Variants in FBXO32 observed in about 807,000 individuals in gnomAD.
FBXO32 encodes the protein F-box only protein 32.
A neutral mutation model predicts 48.3 loss-of-function variants in FBXO32; 15 were observed. The ratio of observed to expected loss-of-function variants is 0.31; its 90% CI spans 0.21 to 0.48. FBXO32 has a LOEUF of 0.48. FBXO32 is among the 20% of genes least tolerant of loss of function. The pLI, the probability that FBXO32 is intolerant of heterozygous loss-of-function variation, is 0.99. For synonymous variants in FBXO32, 154 were observed against 165.9 expected (o/e 0.93, Z 0.55); for missense variants, 309 against 432.7 (o/e 0.71, Z 2.54).
intron 3 of FBXO32, among the ~76,000 whole-genome samples, chr8:123,532,914 A>T (rs1817237452): frequency 6.6e-6 from 1 of 152,228 alleles, no homozygotes; most frequent in South Asian, 2.1e-4. Context: ...AGGGCAATAT[A>T]ATAATATGGT....
chr8:123,533,515 A>G (rs1461344899), intron 2 of FBXO32, among the ~76,000 whole-genome samples: 10 of 152,184 alleles, frequency 6.6e-5, no homozygotes, highest in Admixed American at 6.5e-4. Context: ...ATTATGCCAT[A>G]AGAAATTACA....
rs1038901964 is a variant in FBXO32 at position 123,497,911 on chromosome 8, G to A, written c.*5462C>T. 2.0e-5 allele frequency: 3 copies of A among 152,186 alleles called. No homozygotes were observed. Among genetic ancestry groups the A allele is most frequent in the African/African-American group, 7.2e-5 (3 of 41,440 alleles). The allele number at this position is 152,186 out of a possible 1,614,324, so 9.4% of individuals were successfully genotyped here. Reference sequence around the variant, plus strand: ...GTGTGTTGTTGGAAAAACATTTATTGCAATTCAGTGTCAAAAGTTTTTTAC... The same window carrying A: ...GTGTGTTGTTGGAAAAACATTTATTACAATTCAGTGTCAAAAGTTTTTTAC... On this transcript the variant is annotated 3_prime_UTR_variant, in exon 9 of 9. Transcript: ENST00000517956.
rs1816501637 is a variant in FBXO32 at position 123,502,012 on chromosome 8, T to C, written c.*1361A>G. 2 of 152,148 alleles carry C rather than the reference T, an allele frequency of 1.3e-5. No homozygotes were observed. Among genetic ancestry groups the C allele is most frequent in the African/African-American group, 4.8e-5 (2 of 41,424 alleles). The allele number at this position is 152,148 out of a possible 1,614,324, so 9.4% of individuals were successfully genotyped here. A position where few individuals can be genotyped will look rare whatever the true frequency, so the allele number is the denominator to read the frequency against. On this transcript the variant is annotated 3_prime_UTR_variant, in exon 9 of 9. Transcript: ENST00000517956. ...CCTTTCTTCCACAGTTACCTGCTGATATTTGCCTCGTAAGATCCCCTTGGG... is the reference window on the plus strand; with the variant it reads ...CCTTTCTTCCACAGTTACCTGCTGACATTTGCCTCGTAAGATCCCCTTGGG...
rs373148997 is a variant in FBXO32 at position 123,506,350 on chromosome 8, A to G, written c.834+42T>C. The stretch of plus-strand genomic sequence containing the variant: ...ACCAAGGAAGTTTGGGGTGAGGGCC[A>G]GAGAAGGAGGGTGGGAGGAAAGCCC... On this transcript the variant is annotated intron_variant, in intron 7 of 8. Coordinates refer to ENST00000517956, the MANE Select transcript of FBXO32 (RefSeq NM_058229.4). This position sits in a 1 kb window ranked among gnomAD's most constrained non-coding sequence, Gnocchi z 4.0. 113 of 1,603,878 alleles carry G rather than the reference A, an allele frequency of 7.0e-5. No individual in the cohort carries two copies. The highest frequency in any genetic ancestry group is 9.3e-5 in the Non-Finnish European group (109 of 1,175,120).
At chr8:123,512,370 C>T (rs1160036150) in intron 6 of FBXO32, among the ~76,000 whole-genome samples, 4 of 152,168 alleles carry the variant, frequency 2.6e-5, no homozygotes, top group Non-Finnish European at 5.9e-5. Flanking sequence ...CTACCTTCTC[C>T]TGATATGAGG....
chr8:123,504,737 C>A lies in FBXO32; in HGVS notation c.845G>T (p.Arg282Leu). 6.2e-7 allele frequency: 1 copy of A among 1,612,620 alleles called. No homozygotes were observed. Residue 282 changes from arginine (R) to leucine (L), a missense_variant, in exon 8 of 9, where the codon CGA becomes CTA. Transcript: ENST00000517956. ...CTGCCCTTTGTCTGACAGAATTAATCGTTTGCGGATCTAAAAAATCAAATG... is the reference window on the plus strand; with the variant it reads ...CTGCCCTTTGTCTGACAGAATTAATAGTTTGCGGATCTAAAAAATCAAATG... ...YHFSERQIRKRLILSDKGQLD... is the reference protein window; with the variant it reads ...YHFSERQIRKLLILSDKGQLD...
At chr8:123,535,155 C>A (rs751193691) in intron 1 of FBXO32, among the ~76,000 whole-genome samples, 1 of 151,800 alleles carries the variant, frequency 6.6e-6, no homozygotes, top group African/African-American at 2.4e-5. Context: ...ACAAAAATGA[C>A]GAATGGGGGG....
chr8:123,513,483 G>A lies in FBXO32; in HGVS notation c.467-101C>T. 4 of 1,003,918 alleles carry A rather than the reference G, an allele frequency of 4.0e-6. No individual in the cohort carries two copies. The highest frequency in any genetic ancestry group is 5.9e-6 in the Non-Finnish European group (4 of 681,880). 62.2% of individuals were successfully genotyped at this position (1,003,918 alleles called of 1,614,324 possible). A position where few individuals can be genotyped will look rare whatever the true frequency, so the allele number is the denominator to read the frequency against. On this transcript the variant is annotated intron_variant, in intron 5 of 8. Transcript: ENST00000517956. The surrounding 1 kb of genome is among the most constrained non-coding windows in gnomAD (Gnocchi z 4.3). Reference sequence around the variant, plus strand: ...GTCTGTATTCCACTCATGTTACCCAGGCACTGCCTCTGGGGATATGGTTTT... The same window carrying A: ...GTCTGTATTCCACTCATGTTACCCAAGCACTGCCTCTGGGGATATGGTTTT...
intron 6 of FBXO32, among the ~76,000 whole-genome samples, chr8:123,508,534 G>A (rs986725303): frequency 6.6e-6 from 1 of 152,160 alleles, no homozygotes. Flanking sequence ...AGATGTAGAA[G>A]GACTTCAGCC....
rs756822475 is a variant in FBXO32 at position 123,531,906 on chromosome 8, C to G, written c.364G>C (p.Val122Leu). 1.8e-5 allele frequency: 29 copies of G among 1,613,932 alleles called. No homozygotes were observed. Among genetic ancestry groups the G allele is most frequent in the Non-Finnish European group, 2.4e-5 (28 of 1,179,984 alleles). The change falls in exon 4 of 9, where the codon GTG becomes CTG. Residue 122 changes from valine (V) to leucine (L), a missense_variant. Physicochemically the swap from Val to Leu is conservative, Grantham distance 32. Transcript: ENST00000517956. ...AILDSRRFNYVVRLLELIAKS... is the reference protein window; with the variant it reads ...AILDSRRFNYLVRLLELIAKS... ...AGGCACTTGAGACTTACCCGGACCA[C>G]GTAGTTAAATCTTCTGGAATCCAGA...
Position 123,529,646 on chromosome 8 carries a change from T to C in FBXO32, c.372+2252A>G, listed in dbSNP as rs148115994. ...AGCAGTTAAAAGTGTAGACTCTGAC[T>C]GCCCAGATTTCAAGTCTTGATTTCA... On this transcript the variant is annotated intron_variant, in intron 4 of 8. Transcript: ENST00000517956. 1.3e-4 allele frequency among the ~76,000 whole-genome samples: 20 copies of C among 152,248 alleles called. No individual in the cohort carries two copies. In the East Asian group the frequency reaches 3.5e-3, roughly 26 times the overall value.
rs571768789 is a variant in FBXO32 at position 123,512,929 on chromosome 8, A to T, written c.651+269T>A. Among the ~76,000 whole-genome samples the T allele has an allele frequency of 2.0e-5, 3 of 152,316 alleles. No homozygotes were observed. The South Asian group carries it at 6.2e-4, about 32-fold the overall frequency. ...TAAAGATTTCAGCAGGATGGCCAGC[A>T]TCTCCCCAAAAGCCAAGTTTCCAGC... On this transcript the variant is annotated intron_variant, in intron 6 of 8. Coordinates refer to ENST00000517956, the MANE Select transcript of FBXO32 (RefSeq NM_058229.4).
At position 123,538,834 on chromosome 8, in the gene FBXO32, G is replaced by A. The variant is rs1234597850; in HGVS notation, c.116+2065C>T. ...AGAGGCTCATGAACAGGACACGGGA[G>A]GGGGGCTGTGCAGGAAACCACCTGA... On this transcript the variant is annotated intron_variant, in intron 1 of 8. Coordinates refer to ENST00000517956, the MANE Select transcript of FBXO32 (RefSeq NM_058229.4). 2.0e-5 allele frequency among the ~76,000 whole-genome samples: 3 copies of A among 152,168 alleles called. No individual in the cohort carries two copies. In the South Asian group the frequency reaches 6.2e-4, roughly 32 times the overall value.
In FBXO32 at chr8:123,506,639, TC is replaced by T; in HGVS notation, c.652-66del. 7.2e-7 allele frequency: 1 copy of T among 1,396,526 alleles called. No homozygotes were observed. The highest frequency in any genetic ancestry group is 9.8e-7 in the Non-Finnish European group (1 of 1,018,470). 86.5% of individuals were successfully genotyped at this position (1,396,526 alleles called of 1,614,324 possible). A position where few individuals can be genotyped will look rare whatever the true frequency, so the allele number is the denominator to read the frequency against. ...AGCAGCGATTCACCAGGCCACACCC[TC>T]CAGGCATGCAGCTGTGCCCGTCCTC... On this transcript the variant is annotated intron_variant, in intron 6 of 8. Transcript: ENST00000517956. This position sits in a 1 kb window ranked among gnomAD's most constrained non-coding sequence, Gnocchi z 4.0.
intron 4 of FBXO32, among the ~76,000 whole-genome samples, chr8:123,531,190 C>T (rs1186908676): frequency 6.6e-6 from 1 of 151,774 alleles, no homozygotes; most frequent in Non-Finnish European, 1.5e-5. Context: ...TCATGTTGTC[C>T]AGGCTGGTCT....
chr8:123,527,057 T>G (rs916441694), intron 4 of FBXO32: 4 of 152,240 alleles, frequency 2.6e-5, no homozygotes, highest in African/African-American at 9.6e-5. Context: ...ATAATTTCCA[T>G]GTGTTATGAA....
At chr8:123,527,254 C>T (rs1817098336) in intron 4 of FBXO32, 1 of 152,112 alleles carries the variant, frequency 6.6e-6, no homozygotes, top group Admixed American at 6.6e-5. Context: ...AGTGGCAGGG[C>T]CTGGAGAAAA....
In FBXO32 at chr8:123,524,266, G is replaced by A. The variant is rs115723952; in HGVS notation, c.372+7632C>T. ...TCCAATTCTGTGGCCATGTCCCCCC[G>A]TCTGTGAGTGTCCCCCACTTCCGTG... On this transcript the variant is annotated intron_variant, in intron 4 of 8. Coordinates refer to ENST00000517956, the MANE Select transcript of FBXO32 (RefSeq NM_058229.4). Among the ~76,000 whole-genome samples the A allele has an allele frequency of 9.2e-3, 1,404 of 152,116 alleles. 22 individuals carry two copies. The highest frequency in any genetic ancestry group is 0.032 in the African/African-American group (1,322 of 41,490).
intron 1 of FBXO32, among the ~76,000 whole-genome samples, chr8:123,535,415 G>A (rs1311748791): frequency 6.6e-6 from 1 of 152,212 alleles, no homozygotes; most frequent in Non-Finnish European, 1.5e-5. Context: ...TGCTTTGGGT[G>A]TAGTGCCAGT....
Sources: allele counts gnomAD v4.1 joint callset (sites outside exome capture counted in the v4.1 genomes callset), GRCh38; gene constraint gnomAD v4.1.1; non-coding constraint Gnocchi (gnomAD v3.1); transcripts MANE v1.5; gene names NCBI Gene and HGNC (gene_info 2026-07-23, HGNC 2026-07-21).